CDH13: variants seen among roughly 807,000 people sequenced by gnomAD.
CDH13 encodes the protein cadherin-13.
Under a neutral mutation model 63.8 loss-of-function variants are expected in CDH13, and 24 were observed. That is an observed-to-expected ratio of 0.38 (90% confidence interval 0.27 to 0.53). The LOEUF (loss-of-function observed/expected upper bound fraction) is 0.53, where lower values mean the gene tolerates loss of function less well. Ranked by LOEUF, CDH13 falls within the 20% of genes least tolerant of loss-of-function variation. The pLI is 0.85. For missense variants in CDH13, 1,049 were observed against 903.1 expected (o/e 1.16, Z -2.07); for synonymous variants, 503 against 355.3 (o/e 1.42, Z -4.67).
intron 7 of CDH13, among the ~76,000 whole-genome samples, chr16:83,564,463 C>T (rs2075759242): frequency 7.4e-6 from 1 of 135,880 alleles, no homozygotes; most frequent in African/African-American, 2.7e-5. Context: ...GGCTGGAGTG[C>T]AATGGCACAA....
chr16:83,015,044 A>G (rs1398562628), intron 2 of CDH13, among the ~76,000 whole-genome samples: 1 of 151,334 alleles, frequency 6.6e-6, no homozygotes, highest in African/African-American at 2.4e-5. Flanking sequence ...ATATAAACTG[A>G]TGTAAAAAGT....
At chr16:83,437,578 G>A (rs1425929391) in intron 6 of CDH13, among the ~76,000 whole-genome samples, 2 of 152,122 alleles carry the variant, frequency 1.3e-5, no homozygotes, top group Non-Finnish European at 2.9e-5. Context: ...TCGGGAGGCT[G>A]AGGCAGGAGA....
intron 1 of CDH13, among the ~76,000 whole-genome samples, chr16:82,768,916 A>G (rs763995459): frequency 5.3e-5 from 8 of 152,224 alleles, no homozygotes; most frequent in Non-Finnish European, 1.2e-4. Flanking sequence ...TGAGTTAGTT[A>G]GCAGGTCTCT....
At chr16:83,669,216 G>A (rs1267955067) in intron 8 of CDH13, among the ~76,000 whole-genome samples, 1 of 152,102 alleles carries the variant, frequency 6.6e-6, no homozygotes, top group Non-Finnish European at 1.5e-5. Flanking sequence ...CCTGGCTAGA[G>A]GACCCCGGGC....
At chr16:83,062,228 T>G (rs532914703) in intron 3 of CDH13, among the ~76,000 whole-genome samples, 1 of 152,210 alleles carries the variant, frequency 6.6e-6, no homozygotes, top group Non-Finnish European at 1.5e-5. Context: ...CCTTATCAAC[T>G]TACTTAAATT....
At chr16:83,332,337 C>G (rs1326078859) in intron 5 of CDH13, among the ~76,000 whole-genome samples, 1 of 152,072 alleles carries the variant, frequency 6.6e-6, no homozygotes, top group East Asian at 1.9e-4. Context: ...CCTCCTAATA[C>G]TTAAATCCAT....
chr16:83,525,756 C>G (rs1413400740), intron 7 of CDH13, among the ~76,000 whole-genome samples: 1 of 152,140 alleles, frequency 6.6e-6, no homozygotes, highest in Non-Finnish European at 1.5e-5. Flanking sequence ...TGGATCCACT[C>G]TAATCCAATG....
At chr16:82,852,070 C>G (rs190183616) in intron 1 of CDH13, among the ~76,000 whole-genome samples, 1 of 152,254 alleles carries the variant, frequency 6.6e-6, no homozygotes, top group East Asian at 1.9e-4. Flanking sequence ...CTTCTTGGAG[C>G]TGGTTTAAGA....
intron 2 of CDH13, among the ~76,000 whole-genome samples, chr16:83,021,851 C>T (rs1915378123): frequency 1.3e-5 from 2 of 152,116 alleles, no homozygotes; most frequent in South Asian, 4.1e-4. Flanking sequence ...CACGGAAGCC[C>T]AATACGCATG....
chr16:82,790,076 G>C (rs2036220133), intron 1 of CDH13, among the ~76,000 whole-genome samples: 1 of 152,010 alleles, frequency 6.6e-6, no homozygotes, highest in South Asian at 2.1e-4. Flanking sequence ...GATCAGTGGA[G>C]CTTAGAATTA....
intron 1 of CDH13, among the ~76,000 whole-genome samples, chr16:82,653,003 C>T (rs981861863): frequency 3.9e-5 from 6 of 152,150 alleles, no homozygotes; most frequent in Non-Finnish European, 1.5e-5. Context: ...AAACAGGCGA[C>T]CAAAAGGTAG....
chr16:83,535,585 C>T (rs1050816448), intron 7 of CDH13, among the ~76,000 whole-genome samples: 53 of 152,108 alleles, frequency 3.5e-4, no homozygotes, highest in Admixed American at 3.3e-3. Flanking sequence ...TCCACAAGTG[C>T]GTATTGAGAT....
chr16:83,593,129 C>T (rs76203406), intron 7 of CDH13, among the ~76,000 whole-genome samples: 20,159 of 152,126 alleles, frequency 0.13, 1,477 homozygotes, highest in Middle Eastern at 0.21. Flanking sequence ...GCAGCCAGCC[C>T]GGGGAAGAAT....
chr16:83,131,324 T>C (rs1413448560), intron 4 of CDH13, among the ~76,000 whole-genome samples: 2 of 152,068 alleles, frequency 1.3e-5, no homozygotes, highest in Non-Finnish European at 1.5e-5. Context: ...TGTCATAGTT[T>C]TGGAAGACAA....
At chr16:83,329,400 ATTT>A (rs202092421) in intron 5 of CDH13, among the ~76,000 whole-genome samples, 10,322 of 139,384 alleles carry the variant, frequency 0.074, 504 homozygotes, top group Non-Finnish European at 0.11. Flanking sequence ...TAATTTTTGT[ATTT>A]TTTTTTTTTT....
At chr16:83,536,285 A>T (rs902339835) in intron 7 of CDH13, among the ~76,000 whole-genome samples, 1 of 152,226 alleles carries the variant, frequency 6.6e-6, no homozygotes, top group Non-Finnish European at 1.5e-5. Context: ...AGTAAGAAAG[A>T]TAGTACAAGG....
chr16:83,152,815 T>TG (rs971037874), intron 4 of CDH13, among the ~76,000 whole-genome samples: 55 of 152,102 alleles, frequency 3.6e-4, no homozygotes, highest in African/African-American at 1.3e-3. Flanking sequence ...TTAGTTAAGA[T>TG]GGGGTTATAC....
At chr16:82,952,158 T>A (rs1383426725) in intron 2 of CDH13, among the ~76,000 whole-genome samples, 1 of 152,212 alleles carries the variant, frequency 6.6e-6, no homozygotes, top group Non-Finnish European at 1.5e-5. Context: ...GGCTCAGGAT[T>A]CACTTTGAAG....
At chr16:83,332,729 C>T (rs1271187735) in intron 5 of CDH13, among the ~76,000 whole-genome samples, 1 of 152,130 alleles carries the variant, frequency 6.6e-6, no homozygotes, top group East Asian at 1.9e-4. Context: ...CCTCTTGAGG[C>T]AGAGGATATT....
Sources: gnomAD v4.1 joint callset for allele counts (sites outside exome capture counted in the v4.1 genomes callset) on GRCh38, gnomAD v4.1.1 for gene constraint, MANE v1.5 for transcripts, NCBI Gene and HGNC (gene_info 2026-07-23, HGNC 2026-07-21) for gene names.